ADGRG7: variants seen among roughly 807,000 people sequenced by gnomAD.
ADGRG7 encodes the protein adhesion G protein-coupled receptor G7, also known as G-protein coupled receptor 128.
Under a neutral mutation model 88.6 loss-of-function variants are expected in ADGRG7, and 82 were observed. The ratio of observed to expected loss-of-function variants is 0.93; its 90% CI spans 0.77 to 1.11. The LOEUF (loss-of-function observed/expected upper bound fraction) is 1.11. Ranked by LOEUF, ADGRG7 falls within the 50% of genes most tolerant of loss-of-function variation. The pLI is 0.00. For missense variants in ADGRG7, 945 were observed against 953.4 expected, an observed-to-expected ratio of 0.99 and a Z score of 0.12; for synonymous variants, 381 against 345.2, an observed-to-expected ratio of 1.10 and a Z score of -1.15.
intron 6 of ADGRG7, among the ~76,000 whole-genome samples, chr3:100,639,402 A>G (rs1707601606): frequency 6.6e-6 from 1 of 152,234 alleles, no homozygotes; most frequent in Admixed American, 6.5e-5. Flanking sequence ...TTCAAAGTAG[A>G]AAAAGCACAA....
chr3:100,620,404 T>C (rs1404593364), intron 1 of ADGRG7, among the ~76,000 whole-genome samples: 1 of 152,176 alleles, frequency 6.6e-6, no homozygotes, highest in African/African-American at 2.4e-5. Context: ...CGATGGGACG[T>C]ATCTCAAAAT....
At position 100,629,579 on chromosome 3, in the gene ADGRG7, T is replaced by C. The variant is rs1185105518; in HGVS notation, c.116-19T>C. The C allele has an allele frequency of 3.2e-6, 5 of 1,554,724 alleles. No individual in the cohort carries two copies. The South Asian group carries it at 5.6e-5, about 17-fold the overall frequency. On this transcript the variant is annotated intron_variant, in intron 1 of 15. Transcript: ENST00000273352. ...AATCAGCCAGTTCATGACTATTCTGTTATTTATTGTTTCTTTAGGAAAATC... is the reference window on the plus strand; with the variant it reads ...AATCAGCCAGTTCATGACTATTCTGCTATTTATTGTTTCTTTAGGAAAATC...
At chr3:100,668,848 T>C (rs539399569) in intron 14 of ADGRG7, 101 bp from the exon 15 acceptor site, 111 of 754,316 alleles carry the variant, frequency 1.5e-4, no homozygotes, top group Middle Eastern at 4.2e-4. Flanking sequence ...GAACAATGTA[T>C]ATGGGCAGCT....
At chr3:100,657,898 A>G (rs2094939758) in intron 13 of ADGRG7, among the ~76,000 whole-genome samples, 1 of 152,252 alleles carries the variant, frequency 6.6e-6, no homozygotes, top group African/African-American at 2.4e-5. Context: ...TTAAATTAAA[A>G]CTATTCCAAT....
chr3:100,684,257 C>CTATCTATTTATTTATT (rs146037474), intron 15 of ADGRG7, among the ~76,000 whole-genome samples: 3 of 145,272 alleles, frequency 2.1e-5, no homozygotes, highest in Admixed American at 6.9e-5. Flanking sequence ...TCCATTTTAT[C>CTATCTATTTATTTATT]TATTTATTTA....
chr3:100,628,654 C>A (rs1185997185), intron 1 of ADGRG7, among the ~76,000 whole-genome samples: 1 of 152,160 alleles, frequency 6.6e-6, no homozygotes, highest in Non-Finnish European at 1.5e-5. Flanking sequence ...CTGCACACAA[C>A]CCTGTATTCT....
At chr3:100,644,864 A>G (rs1325438555) in intron 8 of ADGRG7, among the ~76,000 whole-genome samples, 1 of 152,176 alleles carries the variant, frequency 6.6e-6, no homozygotes, top group East Asian at 1.9e-4. Flanking sequence ...GAATAAAAAG[A>G]AACCTTGCTC....
At chr3:100,652,011 T>C (rs1411670497) in intron 11 of ADGRG7, among the ~76,000 whole-genome samples, 7 of 152,126 alleles carry the variant, frequency 4.6e-5, no homozygotes, top group Admixed American at 4.6e-4. Flanking sequence ...TCATTGTAAG[T>C]TGAGGAGCAT....
intron 15 of ADGRG7, among the ~76,000 whole-genome samples, chr3:100,674,008 C>G (rs940547340): frequency 2.6e-5 from 4 of 152,134 alleles, no homozygotes; most frequent in Admixed American, 2.6e-4. Flanking sequence ...TTCCTGCTTT[C>G]TCTTGTGGGC....
Position 100,609,716 on chromosome 3 carries a change from CAA to C in ADGRG7, c.-139_-138del. 1 of 596,652 alleles carries C rather than the reference CAA, an allele frequency of 1.7e-6. No homozygotes were observed. The highest frequency in any genetic ancestry group is 1.9e-5 in the South Asian group (1 of 51,300). The allele number at this position is 596,652 out of a possible 1,614,324, so 37.0% of individuals were successfully genotyped here. On this transcript the variant is annotated 5_prime_UTR_variant, in exon 1 of 16. It removes the in-frame stop codon of an upstream open reading frame in the 5' UTR. Coordinates refer to ENST00000273352, the MANE Select transcript of ADGRG7 (RefSeq NM_032787.3). ...GATTAGCCTCAAAAGTCCTAAAATACAAAGACATCCATCTGACAGATCACTGA... is the reference window on the plus strand; with the variant it reads ...GATTAGCCTCAAAAGTCCTAAAATACAGACATCCATCTGACAGATCACTGA...
chr3:100,659,558 G>T, intron 13 of ADGRG7, 130 bp from the exon 14 acceptor site: 2 of 678,250 alleles, frequency 2.9e-6, no homozygotes, highest in Non-Finnish European at 2.3e-6. Context: ...TCTCAAATGT[G>T]TAAAATGCAG....
In ADGRG7 at chr3:100,646,573, A is replaced by C. The variant is rs754201727; in HGVS notation, c.1115A>C (p.Asn372Thr). The C allele has an allele frequency of 1.9e-6, 3 of 1,612,362 alleles. No homozygotes were observed. Among genetic ancestry groups the C allele is most frequent in the Non-Finnish European group, 2.5e-6 (3 of 1,179,144 alleles). ...AATTGTCTTATCAATTCATAGTACAACCAAAAAGAATTTCAACTCTATTCC... is the reference window on the plus strand; with the variant it reads ...AATTGTCTTATCAATTCATAGTACACCCAAAAAGAATTTCAACTCTATTCC... ...SVDMVFSPKY[N>T]QKEFQLYSYA... Residue 372 changes from asparagine (N) to threonine (T), a missense_variant, in exon 10 of 16, where the codon AAC (asparagine) becomes ACC (threonine). Coordinates refer to ENST00000273352, the MANE Select transcript of ADGRG7 (RefSeq NM_032787.3).
At chr3:100,682,955 T>C (rs1143778) in intron 15 of ADGRG7, among the ~76,000 whole-genome samples, 136,638 of 152,052 alleles carry the variant, frequency 0.9, 62,723 homozygotes, top group Non-Finnish European at 1. Flanking sequence ...CAGACAGGCT[T>C]TTGGGTGGAA....
intron 15 of ADGRG7, among the ~76,000 whole-genome samples, chr3:100,689,863 T>A (rs909363737): frequency 5.3e-5 from 8 of 152,182 alleles, no homozygotes; most frequent in African/African-American, 1.4e-4. Context: ...TTGGAGTTGC[T>A]CTTCTCGAGG....
rs114995482 is a variant in ADGRG7, at chr3:100,633,899, T to C, written c.447+522T>C. ...TGTTGTTTCATCAAATTTCAGCAAA[T>C]GATGATCAATAGCACATTAAAAATG... On this transcript the variant is annotated intron_variant, in intron 4 of 15. Transcript: ENST00000273352. Among the ~76,000 whole-genome samples, 1,047 of 152,272 alleles carry C rather than the reference T, an allele frequency of 6.9e-3. 10 individuals carry two copies. Among genetic ancestry groups the C allele is most frequent in the African/African-American group, 0.013 (541 of 41,554 alleles).
rs2245040 is a variant in ADGRG7, at chr3:100,611,308, T to C, written c.115+1337T>C. Reference sequence around the variant, plus strand: ...CCTTCCTTCCTTCCTTCCTTTCTTCTTTCCTTCCTTCCTTCCTTCCTCCCT... The same window carrying C: ...CCTTCCTTCCTTCCTTCCTTTCTTCCTTCCTTCCTTCCTTCCTTCCTCCCT... On this transcript the variant is annotated intron_variant, in intron 1 of 15. Coordinates refer to ENST00000273352, the MANE Select transcript of ADGRG7 (RefSeq NM_032787.3). Among the ~76,000 whole-genome samples, 420 of 70,670 alleles carry C rather than the reference T, an allele frequency of 5.9e-3. 9 individuals are homozygous for C. The highest frequency in any genetic ancestry group is 0.04 in the Admixed American group (267 of 6,734). The allele number at this position is 70,670 out of a possible 152,430, so 46.4% of individuals were successfully genotyped here. A position where few individuals can be genotyped will look rare whatever the true frequency, so the allele number is the denominator to read the frequency against.
At chr3:100,679,562 A>G (rs1254872083) in intron 15 of ADGRG7, among the ~76,000 whole-genome samples, 1 of 152,056 alleles carries the variant, frequency 6.6e-6, no homozygotes, top group Non-Finnish European at 1.5e-5. Context: ...ATCTTGCTCC[A>G]CCTCTCTCCT....
chr3:100,632,456 G>A (rs1319826080), intron 3 of ADGRG7, among the ~76,000 whole-genome samples: 1 of 152,038 alleles, frequency 6.6e-6, no homozygotes, highest in African/African-American at 2.4e-5. Context: ...TTTGAGTGGG[G>A]ATATTTGCAC....
intron 8 of ADGRG7, among the ~76,000 whole-genome samples, chr3:100,644,018 G>A (rs941405703): frequency 6.6e-6 from 1 of 152,074 alleles, no homozygotes; most frequent in African/African-American, 2.4e-5. Flanking sequence ...GATGCATCCT[G>A]CAGACCTAAC....
Sources: gnomAD v4.1 joint callset for allele counts (sites outside exome capture counted in the v4.1 genomes callset) on GRCh38, gnomAD v4.1.1 for gene constraint, MANE v1.5 for transcripts, NCBI Gene and HGNC (gene_info 2026-07-23, HGNC 2026-07-21) for gene names.